RABGEF1: variants seen among roughly 807,000 people sequenced by gnomAD.
RABGEF1 encodes the protein RAB guanine nucleotide exchange factor 1.
RABGEF1 carries 26 observed loss-of-function variants against 57.3 expected under a neutral mutation model. The ratio of observed to expected loss-of-function variants is 0.45; its 90% CI spans 0.33 to 0.63. The LOEUF (loss-of-function observed/expected upper bound fraction) is 0.63. RABGEF1 is among the 20% of genes least tolerant of loss of function. The pLI, the probability that RABGEF1 is intolerant of heterozygous loss-of-function variation, is 0.02. For missense variants in RABGEF1, 464 were observed against 607.6 expected (o/e 0.76, Z 2.48); for synonymous variants, 185 against 210.7 (o/e 0.88, Z 1.06).
At chr7:66,701,520 T>G (rs1584769634) in intron 1 of RABGEF1, among the ~76,000 whole-genome samples, 1 of 143,928 alleles carries the variant, frequency 6.9e-6, no homozygotes, top group Non-Finnish European at 1.5e-5. Flanking sequence ...TTTTTTTTAA[T>G]TTTTTGAGAC....
intron 1 of RABGEF1, among the ~76,000 whole-genome samples, chr7:66,697,970 C>G (rs1459253774): frequency 6.6e-6 from 1 of 152,118 alleles, no homozygotes; most frequent in Non-Finnish European, 1.5e-5. Context: ...CCTCTCCATC[C>G]CCACTACCTA....
intron 1 of RABGEF1, among the ~76,000 whole-genome samples, chr7:66,701,375 A>G (rs1031501322): frequency 3.3e-4 from 50 of 152,060 alleles, no homozygotes; most frequent in African/African-American, 1.2e-3. Context: ...GGTGGCGCAC[A>G]CCAGTAGCCC....
chr7:66,799,234 C>T (rs879648273), intron 6 of RABGEF1, 89 bp from the exon 7 acceptor site: 10 of 1,056,530 alleles, frequency 9.5e-6, no homozygotes, highest in African/African-American at 1.6e-5. Flanking sequence ...TCAGTGATGC[C>T]TCAGGCTTTC....
rs201909295 is a variant in RABGEF1, at chr7:66,756,050, A to G, written c.-18+15258A>G. The G allele has an allele frequency of 3.0e-4, 457 of 1,503,776 alleles. 1 individual carries two copies. Among genetic ancestry groups the G allele is most frequent in the Non-Finnish European group, 3.2e-4 (362 of 1,131,506 alleles). 93.2% of individuals were successfully genotyped at this position (1,503,776 alleles called of 1,614,324 possible). Reference sequence around the variant, plus strand: ...TGCAAATGCTAATAAGTCTTTTATTAGAATGATGGCGTCTTCATACCATGA... The same window carrying G: ...TGCAAATGCTAATAAGTCTTTTATTGGAATGATGGCGTCTTCATACCATGA... On this transcript the variant is annotated intron_variant, in intron 1 of 8. Transcript: ENST00000284957.
chr7:66,752,339 A>G (rs1801634271), intron 1 of RABGEF1, among the ~76,000 whole-genome samples: 1 of 152,096 alleles, frequency 6.6e-6, no homozygotes, highest in Non-Finnish European at 1.5e-5. Context: ...TACTAAAAAT[A>G]CAAAAATTAG....
rs1237016228 is a variant in RABGEF1 at position 66,797,365 on chromosome 7, T to C, written c.596-9T>C. 4 of 1,599,774 alleles carry C rather than the reference T, an allele frequency of 2.5e-6. No homozygotes were observed. Among genetic ancestry groups the C allele is most frequent in the Admixed American group, 1.8e-5 (1 of 57,098 alleles). ...ATATCTTGATCTTTTCTCTGTCTGGTTATTTCAGTGCCTCCAGAAAGAGTC... is the reference window on the plus strand; with the variant it reads ...ATATCTTGATCTTTTCTCTGTCTGGCTATTTCAGTGCCTCCAGAAAGAGTC... On this transcript the variant is annotated splice_polypyrimidine_tract_variant and intron_variant, in intron 5 of 8. Coordinates refer to ENST00000284957, the MANE Select transcript of RABGEF1 (RefSeq NM_014504.3).
At chr7:66,808,361 G>A (rs961092153) in intron 8 of RABGEF1, among the ~76,000 whole-genome samples, 2 of 151,912 alleles carry the variant, frequency 1.3e-5, no homozygotes, top group African/African-American at 2.4e-5. Context: ...GATTACAGGC[G>A]CCCACAACTG....
At chr7:66,749,955 CAG>C (rs1801057569) in intron 1 of RABGEF1, among the ~76,000 whole-genome samples, 1 of 152,262 alleles carries the variant, frequency 6.6e-6, no homozygotes, top group South Asian at 2.1e-4. Flanking sequence ...GCGTGGGCGA[CAG>C]AGCGAGACTC....
chr7:66,752,051 C>T (rs1157463926), intron 1 of RABGEF1, among the ~76,000 whole-genome samples: 1 of 152,036 alleles, frequency 6.6e-6, no homozygotes, highest in African/African-American at 2.4e-5. Context: ...AAAAAACCCG[C>T]AAAAAACTAG....
intron 1 of RABGEF1, among the ~76,000 whole-genome samples, chr7:66,697,029 C>T (rs543318320): frequency 1.1e-3 from 160 of 152,274 alleles, no homozygotes; most frequent in African/African-American, 3.5e-3. Context: ...AGGAGGCACC[C>T]CTGACCCCAT....
rs372079292 is a variant in RABGEF1, at chr7:66,806,832, CGG to C, written c.1077+1439_1077+1440del. ...CTAATGTTTGTATTTTTAGTAAAGA[CGG>C]GGTTTCACCTTGTTGGCCAGGCTGG... On this transcript the variant is annotated intron_variant, in intron 8 of 8. Coordinates refer to ENST00000284957, the MANE Select transcript of RABGEF1 (RefSeq NM_014504.3). Among the ~76,000 whole-genome samples the C allele has an allele frequency of 2.8e-3, 424 of 151,912 alleles. 1 individual carries two copies. Among genetic ancestry groups the C allele is most frequent in the African/African-American group, 9.8e-3 (408 of 41,430 alleles).
intron 1 of RABGEF1, among the ~76,000 whole-genome samples, chr7:66,698,101 A>ACCCCCCC (rs140832726): frequency 6.1e-5 from 7 of 114,740 alleles, no homozygotes; most frequent in East Asian, 5.1e-4. Context: ...ACAGCCACGC[A>ACCCCCCC]CCCCCCCCAC....
At chr7:66,743,327 T>TAAAA (rs375657884) in intron 1 of RABGEF1, among the ~76,000 whole-genome samples, 1 of 136,630 alleles carries the variant, frequency 7.3e-6, no homozygotes, top group Non-Finnish European at 1.6e-5. Context: ...AGAAAAAAAT[T>TAAAA]TAAAAAAAAA....
At chr7:66,696,402 C>T (rs1792337542) in intron 1 of RABGEF1, among the ~76,000 whole-genome samples, 1 of 151,780 alleles carries the variant, frequency 6.6e-6, no homozygotes, top group African/African-American at 2.4e-5. Flanking sequence ...AGAAAGTGGA[C>T]CGTGGGGCTG....
intron 7 of RABGEF1, among the ~76,000 whole-genome samples, chr7:66,802,606 C>T (rs116291893): frequency 6.6e-6 from 1 of 152,162 alleles, no homozygotes; most frequent in Admixed American, 6.5e-5. Context: ...CTAGTTGAGA[C>T]TTTGAAGCAG....
intron 1 of RABGEF1, among the ~76,000 whole-genome samples, chr7:66,761,896 C>CA: frequency 6.6e-6 from 1 of 151,884 alleles, no homozygotes; most frequent in Non-Finnish European, 1.5e-5. Context: ...ACCTAAAATA[C>CA]AAAAATTAGC....
intron 2 of RABGEF1, among the ~76,000 whole-genome samples, chr7:66,725,443 A>G (rs1796486730): frequency 6.6e-6 from 1 of 152,326 alleles, no homozygotes; most frequent in Non-Finnish European, 1.5e-5. Flanking sequence ...TATAACTGGA[A>G]TAATGCAATC....
At chr7:66,754,444 A>G (rs1802229872) in intron 1 of RABGEF1, among the ~76,000 whole-genome samples, 1 of 146,010 alleles carries the variant, frequency 6.8e-6, no homozygotes, top group Non-Finnish European at 1.5e-5. Context: ...GGCTTCTATT[A>G]TTTCTGTTGA....
chr7:66,726,512 C>T (rs1172680331), intron 2 of RABGEF1, among the ~76,000 whole-genome samples: 1 of 152,046 alleles, frequency 6.6e-6, no homozygotes, highest in Non-Finnish European at 1.5e-5. Context: ...TACAGGTATG[C>T]ACCACCACTC....
Sources: allele counts gnomAD v4.1 joint callset (sites outside exome capture counted in the v4.1 genomes callset), GRCh38; gene constraint gnomAD v4.1.1; transcripts MANE v1.5; gene names NCBI Gene and HGNC (gene_info 2026-07-23, HGNC 2026-07-21).